The following UGGT2 variants were observed in gnomAD, a reference collection of about 807,000 sequenced individuals.
UGGT2 encodes the protein UDP-glucose:glycoprotein glucosyltransferase 2.
A neutral mutation model predicts 192.1 loss-of-function variants in UGGT2; 180 were observed. That is an observed-to-expected ratio of 0.94 (90% CI 0.83 to 1.06). The LOEUF is 1.06. Among genes scored for constraint, UGGT2 ranks in the 50% least tolerant of loss-of-function variants. The pLI, the probability that UGGT2 is intolerant of heterozygous loss-of-function variation, is 0.00. For synonymous variants in UGGT2, 580 were observed against 591.0 expected, an observed-to-expected ratio of 0.98 and a Z score of 0.27; for missense variants, 1,849 against 1,795.7, an observed-to-expected ratio of 1.03 and a Z score of -0.54.
chr13:95,924,452 G>A (rs1169694635), intron 20 of UGGT2, among the ~76,000 whole-genome samples: 2 of 116,288 alleles, frequency 1.7e-5, no homozygotes, highest in African/African-American at 6.3e-5. Flanking sequence ...AGGCTACTGA[G>A]TAAAGCCTAA....
intron 12 of UGGT2, among the ~76,000 whole-genome samples, chr13:95,955,261 T>C (rs1246370836): frequency 6.6e-6 from 1 of 152,214 alleles, no homozygotes; most frequent in Admixed American, 6.5e-5. Context: ...CTAAAGTCTG[T>C]GTCCACCAGG....
At chr13:95,836,187 T>C (rs987141194) in intron 37 of UGGT2, among the ~76,000 whole-genome samples, 2 of 152,220 alleles carry the variant, frequency 1.3e-5, no homozygotes, top group Non-Finnish European at 2.9e-5. Context: ...TAGCTGGGAC[T>C]ACAGGCATGT....
At chr13:95,947,398 TA>T (rs1465101207) in intron 14 of UGGT2, among the ~76,000 whole-genome samples, 1 of 152,144 alleles carries the variant, frequency 6.6e-6, no homozygotes, top group African/African-American at 2.4e-5. Flanking sequence ...CCTCTAGTGC[TA>T]ACATTATCAA....
chr13:95,877,903 A>T (rs936780419), intron 27 of UGGT2, 47 bp from the exon 28 acceptor site: 7 of 1,532,832 alleles, frequency 4.6e-6, no homozygotes, highest in Non-Finnish European at 6.1e-6. Context: ...TAAAACTCAT[A>T]ATACAAAATT....
chr13:95,896,388 G>A (rs1211143711), intron 22 of UGGT2, among the ~76,000 whole-genome samples: 4 of 151,816 alleles, frequency 2.6e-5, no homozygotes, highest in African/African-American at 7.3e-5. Context: ...CACAAAAATG[G>A]GCACTATAAT....
intron 10 of UGGT2, among the ~76,000 whole-genome samples, chr13:95,975,506 A>G (rs2050909039): frequency 6.6e-6 from 1 of 152,208 alleles, no homozygotes; most frequent in Non-Finnish European, 1.5e-5. Flanking sequence ...TTATAGTCCA[A>G]AAAACTTAGA....
intron 38 of UGGT2, among the ~76,000 whole-genome samples, chr13:95,831,254 T>C (rs1886650978): frequency 2.0e-5 from 3 of 152,110 alleles, no homozygotes; most frequent in Admixed American, 6.6e-5. Flanking sequence ...TGTGCACATA[T>C]ACCCTAGAAC....
At chr13:95,986,557 G>A (rs1306179078) in intron 8 of UGGT2, 125 bp from the exon 9 acceptor site, 1 of 563,128 alleles carries the variant, frequency 1.8e-6, no homozygotes, top group African/African-American at 2.0e-5. Flanking sequence ...TGTTAATACT[G>A]TTACATCTGC....
chr13:95,853,052 T>A (rs991882162), intron 36 of UGGT2, among the ~76,000 whole-genome samples: 1 of 152,158 alleles, frequency 6.6e-6, no homozygotes, highest in African/African-American at 2.4e-5. Context: ...TGACAGTGAG[T>A]GGGTTCTCAT....
intron 38 of UGGT2, among the ~76,000 whole-genome samples, chr13:95,807,193 A>C (rs1223735202): frequency 1.3e-5 from 2 of 152,182 alleles, no homozygotes; most frequent in Non-Finnish European, 2.9e-5. Flanking sequence ...GAAAATCATA[A>C]GAGAAAATAT....
chr13:96,002,128 C>T (rs528000302), intron 5 of UGGT2, among the ~76,000 whole-genome samples: 14 of 152,274 alleles, frequency 9.2e-5, no homozygotes, highest in Middle Eastern at 6.8e-3. Context: ...CTCACACATG[C>T]TTAAGGGTAA....
chr13:95,874,783 G>A (rs943666998), intron 29 of UGGT2, among the ~76,000 whole-genome samples: 5 of 151,764 alleles, frequency 3.3e-5, no homozygotes, highest in South Asian at 2.1e-4. Context: ...TTGCCACCTC[G>A]TGGGGTCAAC....
At chr13:95,958,801 G>C (rs1423296206) in intron 12 of UGGT2, among the ~76,000 whole-genome samples, 1 of 152,180 alleles carries the variant, frequency 6.6e-6, no homozygotes, top group African/African-American at 2.4e-5. Context: ...AGACTGCTAG[G>C]CTGGGATTGG....
chr13:95,960,518 A>G (rs185215272), intron 12 of UGGT2, among the ~76,000 whole-genome samples: 2 of 152,180 alleles, frequency 1.3e-5, no homozygotes, highest in African/African-American at 4.8e-5. Flanking sequence ...AAATACATAC[A>G]AAAAAGAATA....
At chr13:95,852,707 T>C (rs1889174701) in intron 36 of UGGT2, among the ~76,000 whole-genome samples, 1 of 152,206 alleles carries the variant, frequency 6.6e-6, no homozygotes, top group Non-Finnish European at 1.5e-5. Flanking sequence ...GTCTTTTGTT[T>C]CTGCTTAAAT....
intron 36 of UGGT2, among the ~76,000 whole-genome samples, chr13:95,846,807 G>C (rs1256362908): frequency 6.6e-6 from 1 of 152,040 alleles, no homozygotes; most frequent in Non-Finnish European, 1.5e-5. Flanking sequence ...TAAGTAATTT[G>C]GCCATTTCAT....
At chr13:95,970,334 G>T in intron 11 of UGGT2, 72 bp from the exon 12 acceptor site, 1 of 1,364,220 alleles carries the variant, frequency 7.3e-7, no homozygotes, top group Non-Finnish European at 1.0e-6. Flanking sequence ...AAGTTTGATA[G>T]TCTTAAAGCA....
intron 31 of UGGT2, among the ~76,000 whole-genome samples, chr13:95,862,012 A>G (rs1008206153): frequency 5.3e-5 from 8 of 152,164 alleles, no homozygotes; most frequent in Non-Finnish European, 1.2e-4. Flanking sequence ...AATCATTCTT[A>G]TCTATACCTT....
At chr13:95,937,896 T>G (rs1230978396) in intron 16 of UGGT2, among the ~76,000 whole-genome samples, 3 of 152,210 alleles carry the variant, frequency 2.0e-5, no homozygotes, top group Non-Finnish European at 4.4e-5. Flanking sequence ...CACCCAATTC[T>G]TATCTTAAAT....
Sources: allele counts gnomAD v4.1 joint callset (sites outside exome capture counted in the v4.1 genomes callset), GRCh38; gene constraint gnomAD v4.1.1; transcripts MANE v1.5; gene names NCBI Gene and HGNC (gene_info 2026-07-23, HGNC 2026-07-21).